DDX60: variants seen among roughly 807,000 people sequenced by gnomAD.
DDX60 encodes the protein probable ATP-dependent RNA helicase DDX60.
Under a neutral mutation model 212.8 loss-of-function variants are expected in DDX60, and 165 were observed. The ratio of observed to expected loss-of-function variants is 0.78; its 90% confidence interval spans 0.68 to 0.88. The LOEUF is 0.88. Among genes scored for constraint, DDX60 ranks in the 40% least tolerant of loss-of-function variants. The probability of loss-of-function intolerance (pLI) is 0.00; values close to 1 mark genes in which losing one functional copy is unlikely to be tolerated. For synonymous variants in DDX60, 703 were observed against 685.3 expected, an observed-to-expected ratio of 1.03 and a Z score of -0.40; for missense variants, 1,905 against 2,003.9, an observed-to-expected ratio of 0.95 and a Z score of 0.94.
Position 168,273,516 on chromosome 4 carries a change from CT to C in DDX60, c.2455-119del, listed in dbSNP as rs1735193261. 3.3e-6 allele frequency: 4 copies of C among 1,197,890 alleles called. No individual in the cohort carries two copies. The South Asian group carries it at 6.0e-5, about 18-fold the overall frequency. The allele number at this position is 1,197,890 out of a possible 1,614,324, so 74.2% of individuals were successfully genotyped here. On this transcript the variant is annotated intron_variant, in intron 17 of 37. Coordinates refer to ENST00000393743, the MANE Select transcript of DDX60 (RefSeq NM_017631.6). ...TTCAGTGCAGAAAGCTTACTAACCC[CT>C]TTCATCAACCCACTACTCTAAACAC... is the stretch of plus-strand genomic sequence containing the variant.
intron 3 of DDX60, among the ~76,000 whole-genome samples, chr4:168,310,292 A>G (rs954035388): frequency 6.6e-6 from 1 of 152,162 alleles, no homozygotes; most frequent in African/African-American, 2.4e-5. Context: ...TAATCTATGG[A>G]AAGAATTGTC....
At chr4:168,309,700 C>T (rs1737046535) in intron 3 of DDX60, among the ~76,000 whole-genome samples, 1 of 151,998 alleles carries the variant, frequency 6.6e-6, no homozygotes, top group Non-Finnish European at 1.5e-5. Flanking sequence ...AGAAGTTTGG[C>T]TTTAAAAATG....
the DDX60 span, among the ~76,000 whole-genome samples, chr4:168,324,455 C>A: frequency 6.6e-6 from 1 of 152,252 alleles, no homozygotes; most frequent in East Asian, 1.9e-4. Flanking sequence ...AACAGAGATG[C>A]CTGCCCATTT....
At chr4:168,295,062 T>C (rs1736281013) in intron 6 of DDX60, among the ~76,000 whole-genome samples, 1 of 152,096 alleles carries the variant, frequency 6.6e-6, no homozygotes. Flanking sequence ...AGGGCTTTTA[T>C]CAAAAAGATG....
At chr4:168,239,629 T>C (rs1481518338) in intron 30 of DDX60, among the ~76,000 whole-genome samples, 2 of 152,042 alleles carry the variant, frequency 1.3e-5, no homozygotes, top group Non-Finnish European at 1.5e-5. Flanking sequence ...GCAAAGAATT[T>C]AATGTGGTAA....
intron 1 of DDX60, among the ~76,000 whole-genome samples, chr4:168,312,131 G>T (rs951211028): frequency 1.3e-5 from 2 of 152,142 alleles, no homozygotes; most frequent in African/African-American, 2.4e-5. Flanking sequence ...ACTGGATGTG[G>T]ATGGACAAGA....
chr4:168,248,476 G>T (rs12500298), intron 28 of DDX60, among the ~76,000 whole-genome samples, 184 bp from the exon 29 acceptor site: 1 of 152,094 alleles, frequency 6.6e-6, no homozygotes. Context: ...TCCCAAATGC[G>T]CTGTTTGCTT....
chr4:168,285,086 G>C (rs889126286), intron 11 of DDX60, 151 bp from the exon 12 acceptor site: 1 of 559,044 alleles, frequency 1.8e-6, no homozygotes, highest in East Asian at 2.9e-5. Flanking sequence ...CAGTTTATTA[G>C]AGGTTTAATA....
chr4:168,293,975 T>A, intron 6 of DDX60, 30 bp from the exon 7 acceptor site: 1 of 1,587,534 alleles, frequency 6.3e-7, no homozygotes, highest in African/African-American at 1.4e-5. Context: ...TAATGTGTCA[T>A]GCTATTTAGA....
chr4:168,323,086 G>A (rs573621082), upstream of DDX60, among the ~76,000 whole-genome samples: 1 of 152,176 alleles, frequency 6.6e-6, no homozygotes, highest in Admixed American at 6.5e-5. Flanking sequence ...GGGGCCCCAA[G>A]AGCCTCAAAG....
Position 168,291,880 on chromosome 4 carries a change from C to T in DDX60, c.909G>A (p.Gln303=). The change falls in exon 8 of 38, where the codon CAG becomes CAA. Residue 303 remains glutamine (Q), a synonymous_variant. Coordinates refer to ENST00000393743, the MANE Select transcript of DDX60 (RefSeq NM_017631.6). ...GCAGTTTACACAAATCTTCCATCTC[C>T]TGCAGGGTTAAGCAATTACTGTTCA... The part of the protein sequence containing the change: ...QQVNSNCLTL[Q]EMEDLCKLHC... The T allele has an allele frequency of 6.2e-7, 1 of 1,612,242 alleles. No individual in the cohort carries two copies. Among genetic ancestry groups the T allele is most frequent in the Non-Finnish European group, 8.5e-7 (1 of 1,179,368 alleles).
chr4:168,241,328 A>G (rs1733829719), intron 30 of DDX60, among the ~76,000 whole-genome samples: 1 of 152,192 alleles, frequency 6.6e-6, no homozygotes, highest in East Asian at 1.9e-4. Flanking sequence ...TGTGGAAGTG[A>G]CTTTGGAATT....
intron 19 of DDX60, among the ~76,000 whole-genome samples, chr4:168,271,301 A>G (rs1473143899): frequency 1.3e-5 from 2 of 152,208 alleles, no homozygotes; most frequent in Non-Finnish European, 2.9e-5. Context: ...GCTGACCCAT[A>G]GACACTTCGT....
chr4:168,269,456 C>T (rs983694733), intron 19 of DDX60, among the ~76,000 whole-genome samples: 2 of 152,062 alleles, frequency 1.3e-5, no homozygotes, highest in Non-Finnish European at 2.9e-5. Context: ...AAAAAATTAG[C>T]CGGGCGTGGT....
chr4:168,240,035 G>C (rs745530690), intron 30 of DDX60, among the ~76,000 whole-genome samples: 14 of 152,260 alleles, frequency 9.2e-5, no homozygotes, highest in Middle Eastern at 3.4e-3. Context: ...AACTCAAATT[G>C]TCTTTGTTTG....
rs578193036 is a variant in DDX60 at position 168,270,492 on chromosome 4, G to T, written c.2671-1523C>A. On this transcript the variant is annotated intron_variant, in intron 19 of 37. Transcript: ENST00000393743. ...TAGACATTAGCCTTTAAAACCTTTTGGTTTTATCCCTTACACAAAATTTGA... is the reference window on the plus strand; with the variant it reads ...TAGACATTAGCCTTTAAAACCTTTTTGTTTTATCCCTTACACAAAATTTGA... Among the ~76,000 whole-genome samples, 5 of 152,214 alleles carry T rather than the reference G, an allele frequency of 3.3e-5. No homozygotes were observed. The South Asian group carries it at 1.0e-3, about 32-fold the overall frequency.
chr4:168,307,270 T>A (rs1736925686), intron 4 of DDX60, among the ~76,000 whole-genome samples: 1 of 152,160 alleles, frequency 6.6e-6, no homozygotes, highest in Non-Finnish European at 1.5e-5. Flanking sequence ...GCAAAATGAC[T>A]GAAAAGACTC....
intron 14 of DDX60, among the ~76,000 whole-genome samples, chr4:168,277,445 A>G (rs1267914024): frequency 6.6e-6 from 1 of 152,022 alleles, no homozygotes; most frequent in Non-Finnish European, 1.5e-5. Context: ...TGCCCTTGGG[A>G]CCCTCTCTGA....
At position 168,260,847 on chromosome 4, in the gene DDX60, T is replaced by A; in HGVS notation, c.3398+18A>T. 6.3e-7 allele frequency: 1 copy of A among 1,592,412 alleles called. No homozygotes were observed. The highest frequency in any genetic ancestry group is 8.6e-7 in the Non-Finnish European group (1 of 1,165,708). On this transcript the variant is annotated intron_variant, in intron 25 of 37. Transcript: ENST00000393743. ...TAATACAATTACAAGCAAAACCAAATTAAATTAAATAACTTACAAAAAAAA... is the reference window on the plus strand; with the variant it reads ...TAATACAATTACAAGCAAAACCAAAATAAATTAAATAACTTACAAAAAAAA...
Sources: allele counts gnomAD v4.1 joint callset (sites outside exome capture counted in the v4.1 genomes callset), GRCh38; gene constraint gnomAD v4.1.1; transcripts MANE v1.5; gene names NCBI Gene and HGNC (gene_info 2026-07-23, HGNC 2026-07-21).